Variants in SH3PXD2A observed in about 807,000 individuals in gnomAD.
SH3PXD2A encodes SH3 and PX domains 2A, also known as SH3 and PX domain-containing protein 2A.
In SH3PXD2A, 32 loss-of-function variants were observed where a neutral mutation model predicts 115.2. That is an observed-to-expected ratio of 0.28 (90% CI 0.21 to 0.37). SH3PXD2A has a LOEUF of 0.37. Ranked by LOEUF, SH3PXD2A falls within the 10% of genes least tolerant of loss-of-function variation. The pLI is 1.00. For missense variants in SH3PXD2A, 1,328 were observed against 1,498.7 expected (o/e 0.89, Z 1.88); for synonymous variants, 610 against 629.1 (o/e 0.97, Z 0.45).
At chr10:103,833,460 C>CAT (rs747768398) in intron 1 of SH3PXD2A, among the ~76,000 whole-genome samples, 33 of 150,914 alleles carry the variant, frequency 2.2e-4, no homozygotes, top group East Asian at 7.7e-4. Context: ...TTCCCAAAGA[C>CAT]ATATATATAT....
chr10:103,806,205 A>G (rs1217588426), intron 1 of SH3PXD2A, among the ~76,000 whole-genome samples: 1 of 151,946 alleles, frequency 6.6e-6, no homozygotes, highest in African/African-American at 2.4e-5. Flanking sequence ...GAGGCCCCCC[A>G]GCCTACCCCC....
intron 1 of SH3PXD2A, among the ~76,000 whole-genome samples, chr10:103,812,866 G>A (rs886320840): frequency 2.6e-5 from 4 of 152,136 alleles, no homozygotes; most frequent in South Asian, 4.2e-4. Flanking sequence ...AGAGCTTTTC[G>A]GCAATTTCTG....
chr10:103,736,144 A>T (rs750752152), intron 3 of SH3PXD2A, among the ~76,000 whole-genome samples: 5 of 152,214 alleles, frequency 3.3e-5, no homozygotes, highest in Non-Finnish European at 7.3e-5. Flanking sequence ...CTTGCAAATC[A>T]ACACAAAGTA....
chr10:103,781,944 G>A (rs943883418), intron 2 of SH3PXD2A, among the ~76,000 whole-genome samples: 2 of 152,142 alleles, frequency 1.3e-5, no homozygotes, highest in African/African-American at 4.8e-5. Flanking sequence ...CCTGACACAT[G>A]ACCCTCAAGC....
chr10:103,618,708 G>A (rs547929238), intron 10 of SH3PXD2A, among the ~76,000 whole-genome samples: 21 of 152,214 alleles, frequency 1.4e-4, no homozygotes, highest in Non-Finnish European at 2.4e-4. Context: ...TCAAAACAGC[G>A]GGATGCTGGA....
chr10:103,652,965 A>ACCTC (rs2037151809), intron 8 of SH3PXD2A, among the ~76,000 whole-genome samples: 1 of 152,102 alleles, frequency 6.6e-6, no homozygotes, highest in African/African-American at 2.4e-5. Flanking sequence ...CCCTCCCAGA[A>ACCTC]CCAGCGGGCC....
intron 5 of SH3PXD2A, among the ~76,000 whole-genome samples, chr10:103,700,400 G>T (rs2037878691): frequency 1.3e-5 from 2 of 152,232 alleles, no homozygotes; most frequent in African/African-American, 4.8e-5. Context: ...GGGTTCACAG[G>T]GGGCTAGACT....
chr10:103,656,853 TG>T (rs1364160567), intron 8 of SH3PXD2A, among the ~76,000 whole-genome samples: 1 of 143,954 alleles, frequency 6.9e-6, no homozygotes, highest in Non-Finnish European at 1.5e-5. Flanking sequence ...AAAATCTACA[TG>T]GTAAGTAAGA....
At chr10:103,816,910 A>C (rs1755257609) in intron 1 of SH3PXD2A, among the ~76,000 whole-genome samples, 1 of 151,558 alleles carries the variant, frequency 6.6e-6, no homozygotes, top group Non-Finnish European at 1.5e-5. Flanking sequence ...CCATTACTGC[A>C]ACCTCCACCT....
chr10:103,814,098 A>G (rs2039299695), intron 1 of SH3PXD2A, among the ~76,000 whole-genome samples: 1 of 152,014 alleles, frequency 6.6e-6, no homozygotes, highest in Admixed American at 6.5e-5. Flanking sequence ...TCTGCCTTTA[A>G]GATATCTAGT....
At chr10:103,771,657 C>A (rs1176674105) in intron 2 of SH3PXD2A, among the ~76,000 whole-genome samples, 1 of 151,886 alleles carries the variant, frequency 6.6e-6, no homozygotes, top group Non-Finnish European at 1.5e-5. Flanking sequence ...ATCGCTTGAA[C>A]CTCGGAGGCG....
chr10:103,673,757 G>A (rs2037494050), intron 6 of SH3PXD2A, among the ~76,000 whole-genome samples: 1 of 152,122 alleles, frequency 6.6e-6, no homozygotes, highest in African/African-American at 2.4e-5. Flanking sequence ...AATCCAGAGT[G>A]GGCCATGAGC....
rs574328126 is a variant in SH3PXD2A at position 103,607,182 on chromosome 10, C to A, written c.1309-1265G>T. On this transcript the variant is annotated intron_variant, in intron 13 of 14. Transcript: ENST00000369774. ...GGATGTGAGGAGCGCCTCTCCCCGG[C>A]CGCGACCCCGTCTGGGAGGTGAGGA... Among the ~76,000 whole-genome samples, 57 of 151,626 alleles carry A rather than the reference C, an allele frequency of 3.8e-4. 1 individual carries two copies. The South Asian group carries it at 0.011, about 29-fold the overall frequency.
intron 2 of SH3PXD2A, among the ~76,000 whole-genome samples, chr10:103,778,346 G>C (rs761450797): frequency 1.3e-5 from 2 of 152,042 alleles, no homozygotes; most frequent in African/African-American, 2.4e-5. Context: ...AAAAAAAGGC[G>C]GGGGGAAATG....
At chr10:103,844,515 C>G (rs1291207458) in intron 1 of SH3PXD2A, among the ~76,000 whole-genome samples, 2 of 152,192 alleles carry the variant, frequency 1.3e-5, no homozygotes, top group Non-Finnish European at 1.5e-5. Context: ...CAGGGACAAT[C>G]CCTATATGCT....
intron 2 of SH3PXD2A, among the ~76,000 whole-genome samples, chr10:103,782,719 TG>T (rs1304729274): frequency 1.4e-5 from 2 of 146,236 alleles, no homozygotes; most frequent in Admixed American, 7.1e-5. Flanking sequence ...GACAATGGGC[TG>T]GGCATGGTGG....
At chr10:103,721,692 A>G (rs2038183974) in intron 5 of SH3PXD2A, among the ~76,000 whole-genome samples, 1 of 152,212 alleles carries the variant, frequency 6.6e-6, no homozygotes, top group Non-Finnish European at 1.5e-5. Flanking sequence ...GCAAGGACAG[A>G]AAATGAGAGG....
chr10:103,769,531 C>G (rs541802068), intron 2 of SH3PXD2A, among the ~76,000 whole-genome samples: 1 of 150,924 alleles, frequency 6.6e-6, no homozygotes, highest in South Asian at 2.1e-4. Flanking sequence ...TCACTGCAAC[C>G]TCCGCCTCCC....
rs766521703 is a variant in SH3PXD2A at position 103,694,925 on chromosome 10, A to G, written c.399-1869T>C. The stretch of plus-strand genomic sequence containing the variant: ...TGCTTGCCCCCCTTGCAGAAGGAAG[A>G]CTGGGCAGAGACTGAGTCCTAGCTG... On this transcript the variant is annotated intron_variant, in intron 5 of 14. Coordinates refer to ENST00000369774, the MANE Select transcript of SH3PXD2A (RefSeq NM_001394015.1). Among the ~76,000 whole-genome samples the G allele has an allele frequency of 2.0e-5, 3 of 152,210 alleles. No homozygotes were observed. In the South Asian group the frequency reaches 6.2e-4, roughly 32 times the overall value.
Sources: allele counts gnomAD v4.1 joint callset (sites outside exome capture counted in the v4.1 genomes callset), GRCh38; gene constraint gnomAD v4.1.1; transcripts MANE v1.5; gene names NCBI Gene and HGNC (gene_info 2026-07-23, HGNC 2026-07-21).